Variants in CDK19 observed in about 807,000 individuals in gnomAD.
The protein encoded by CDK19 is cyclin dependent kinase 19.
A neutral mutation model predicts 68.3 loss-of-function variants in CDK19; 20 were observed. The observed-to-expected ratio is 0.29, with a 90% CI of 0.21 to 0.43. The LOEUF (loss-of-function observed/expected upper bound fraction) is 0.43. Ranked by LOEUF, CDK19 falls within the 20% of genes least tolerant of loss-of-function variation. CDK19 has a pLI of 1.00. For synonymous variants in CDK19, 221 were observed against 222.8 expected (o/e 0.99, Z 0.07); for missense variants, 339 against 623.5 (o/e 0.54, Z 4.86).
chr6:110,736,942 C>T (rs561258354), intron 2 of CDK19, among the ~76,000 whole-genome samples: 1 of 152,240 alleles, frequency 6.6e-6, no homozygotes, highest in South Asian at 2.1e-4. Context: ...AATCTAACTG[C>T]TTAGAGCAAG....
chr6:110,629,171 G>C (rs554870558), intron 6 of CDK19, among the ~76,000 whole-genome samples: 36 of 152,266 alleles, frequency 2.4e-4, no homozygotes, highest in Middle Eastern at 3.4e-3. Context: ...CAAGAGCCAG[G>C]GTCTTGAGTT....
At chr6:110,795,218 A>C (rs1781860318) in intron 1 of CDK19, among the ~76,000 whole-genome samples, 1 of 151,900 alleles carries the variant, frequency 6.6e-6, no homozygotes, top group African/African-American at 2.4e-5. Context: ...CAATCCACAC[A>C]CCTTGGCCTC....
intron 1 of CDK19, among the ~76,000 whole-genome samples, chr6:110,806,479 TA>T (rs1782693048): frequency 6.6e-6 from 1 of 152,190 alleles, no homozygotes; most frequent in South Asian, 2.1e-4. Flanking sequence ...CTTCCAAAGG[TA>T]AACAGCTTCT....
intron 1 of CDK19, among the ~76,000 whole-genome samples, chr6:110,765,497 T>G (rs1779519525): frequency 6.6e-6 from 1 of 151,928 alleles, no homozygotes; most frequent in Non-Finnish European, 1.5e-5. Flanking sequence ...CCCAACAACA[T>G]GGTGAAACCC....
intron 4 of CDK19, among the ~76,000 whole-genome samples, chr6:110,649,927 G>A (rs1319419704): frequency 1.3e-5 from 2 of 152,132 alleles, no homozygotes; most frequent in Non-Finnish European, 2.9e-5. Flanking sequence ...AATTTGGCAT[G>A]ACCTTGCAAA....
At chr6:110,713,739 T>C (rs1471683362) in intron 2 of CDK19, among the ~76,000 whole-genome samples, 5 of 152,136 alleles carry the variant, frequency 3.3e-5, no homozygotes, top group Non-Finnish European at 1.5e-5. Context: ...AAAAGAATTA[T>C]AGGCTGGGCA....
chr6:110,761,061 A>C (rs1273304501), intron 1 of CDK19, among the ~76,000 whole-genome samples: 1 of 152,154 alleles, frequency 6.6e-6, no homozygotes, highest in African/African-American at 2.4e-5. Context: ...AGGCCAGATG[A>C]AGCAGAACAA....
intron 2 of CDK19, among the ~76,000 whole-genome samples, chr6:110,715,061 C>T (rs1407701667): frequency 2.0e-5 from 3 of 151,964 alleles, no homozygotes; most frequent in Non-Finnish European, 2.9e-5. Context: ...GTCCCTTGCC[C>T]GGTTTTTAAT....
chr6:110,764,254 A>G (rs1187448797), intron 1 of CDK19, among the ~76,000 whole-genome samples: 1 of 152,214 alleles, frequency 6.6e-6, no homozygotes, highest in Non-Finnish European at 1.5e-5. Flanking sequence ...TGACAAACTG[A>G]TTCTAAAGCT....
intron 1 of CDK19, among the ~76,000 whole-genome samples, chr6:110,769,586 T>C (rs1257039916): frequency 2.7e-5 from 4 of 149,814 alleles, no homozygotes; most frequent in Non-Finnish European, 5.9e-5. Context: ...AAAATAATAA[T>C]AATAATAATA....
chr6:110,620,975 T>C (rs1208929400), intron 12 of CDK19, 129 bp downstream of exon 12: 5 of 803,528 alleles, frequency 6.2e-6, no homozygotes, highest in East Asian at 2.6e-5. Flanking sequence ...TTCCTCTTCA[T>C]AGAATGCCCT....
intron 2 of CDK19, among the ~76,000 whole-genome samples, chr6:110,684,887 C>T (rs1189894264): frequency 6.6e-6 from 1 of 152,172 alleles, no homozygotes; most frequent in East Asian, 1.9e-4. Flanking sequence ...ACCTGTAATC[C>T]CAGCACTTTG....
At chr6:110,693,887 C>T (rs1773248651) in intron 2 of CDK19, among the ~76,000 whole-genome samples, 1 of 152,030 alleles carries the variant, frequency 6.6e-6, no homozygotes, top group Non-Finnish European at 1.5e-5. Flanking sequence ...AATATTTATC[C>T]ATAAATGAAG....
intron 1 of CDK19, among the ~76,000 whole-genome samples, chr6:110,764,741 G>A (rs1002277652): frequency 7.2e-5 from 11 of 151,950 alleles, no homozygotes; most frequent in Admixed American, 2.6e-4. Context: ...ACCTGAGGTC[G>A]GAAGTTCAAG....
intron 4 of CDK19, among the ~76,000 whole-genome samples, chr6:110,645,197 CAT>C (rs1780473006): frequency 6.6e-6 from 1 of 152,166 alleles, no homozygotes; most frequent in Non-Finnish European, 1.5e-5. Flanking sequence ...AAATACTGAT[CAT>C]ATACTAGCAG....
At chr6:110,763,031 G>T (rs1281745700) in intron 1 of CDK19, among the ~76,000 whole-genome samples, 2 of 152,132 alleles carry the variant, frequency 1.3e-5, no homozygotes, top group Admixed American at 6.6e-5. Flanking sequence ...ATTCAACAGG[G>T]CATTGTAGTA....
At chr6:110,747,629 C>T (rs1019619043) in intron 1 of CDK19, among the ~76,000 whole-genome samples, 5 of 152,142 alleles carry the variant, frequency 3.3e-5, no homozygotes, top group African/African-American at 1.2e-4. Context: ...AACTTTAGTG[C>T]TAATATTATA....
intron 4 of CDK19, among the ~76,000 whole-genome samples, chr6:110,665,385 G>C (rs895516709): frequency 1.3e-5 from 2 of 152,164 alleles, no homozygotes; most frequent in African/African-American, 4.8e-5. Context: ...TTCTAGGCTA[G>C]GAAGAGGGTG....
intron 1 of CDK19, among the ~76,000 whole-genome samples, chr6:110,746,815 T>C (rs1778107218): frequency 6.6e-6 from 1 of 152,190 alleles, no homozygotes; most frequent in Non-Finnish European, 1.5e-5. Context: ...TTTCAAACAA[T>C]GGACATAGTA....
Sources: gnomAD v4.1 joint callset for allele counts (sites outside exome capture counted in the v4.1 genomes callset) on GRCh38, gnomAD v4.1.1 for gene constraint, MANE v1.5 for transcripts, NCBI Gene and HGNC (gene_info 2026-07-23, HGNC 2026-07-21) for gene names.